FAT4: variants seen among roughly 807,000 people sequenced by gnomAD.
FAT4 encodes protocadherin Fat 4.
Under a neutral mutation model 303.9 loss-of-function variants are expected in FAT4, and 84 were observed. The ratio of observed to expected loss-of-function variants is 0.28; its 90% CI spans 0.23 to 0.33. The LOEUF is 0.33. Ranked by LOEUF, FAT4 falls within the 10% of genes least tolerant of loss-of-function variation. FAT4 has a pLI of 1.00. For synonymous variants in FAT4, 2,307 were observed against 2,298.8 expected, an observed-to-expected ratio of 1.00 and a Z score of -0.10; for missense variants, 6,005 against 6,146.8, an observed-to-expected ratio of 0.98 and a Z score of 0.77.
chr4:125,338,289 C>T (rs1246423859), intron 2 of FAT4, among the ~76,000 whole-genome samples: 1 of 152,138 alleles, frequency 6.6e-6, no homozygotes, highest in African/African-American at 2.4e-5. Context: ...TTGCTAAGAT[C>T]TTGGTTCTGC....
At chr4:125,426,722 T>A (rs377639342) in intron 7 of FAT4, among the ~76,000 whole-genome samples, 1 of 152,010 alleles carries the variant, frequency 6.6e-6, no homozygotes, top group East Asian at 1.9e-4. Flanking sequence ...TTCCATAGAA[T>A]TGAAATTTGA....
intron 11 of FAT4, among the ~76,000 whole-genome samples, chr4:125,467,730 A>G (rs1452758270): frequency 6.6e-6 from 1 of 152,236 alleles, no homozygotes; most frequent in Non-Finnish European, 1.5e-5. Flanking sequence ...TGAAAATAAC[A>G]TGAATATAGG....
intron 11 of FAT4, among the ~76,000 whole-genome samples, chr4:125,465,622 G>A (rs1170780040): frequency 1.3e-5 from 2 of 152,174 alleles, no homozygotes; most frequent in Non-Finnish European, 2.9e-5. Flanking sequence ...TACAACTGTC[G>A]TTGCCTATTA....
At chr4:125,332,340 G>T (rs1467677776) in intron 2 of FAT4, among the ~76,000 whole-genome samples, 1 of 151,824 alleles carries the variant, frequency 6.6e-6, no homozygotes, top group East Asian at 1.9e-4. Flanking sequence ...AAACAATACT[G>T]CCCAGTCTGG....
In FAT4 at chr4:125,405,634, C is replaced by G. The variant is rs1018815800; in HGVS notation, c.5308-1246C>G. Among the ~76,000 whole-genome samples the G allele has an allele frequency of 2.0e-5, 3 of 152,042 alleles. No homozygotes were observed. The South Asian group carries it at 6.2e-4, about 32-fold the overall frequency. ...CATGCCATTCTCCTGCATCAGCCTCCCGAGTAGCTGGGACTCCAGGCTACT... is the reference window on the plus strand; with the variant it reads ...CATGCCATTCTCCTGCATCAGCCTCGCGAGTAGCTGGGACTCCAGGCTACT... On this transcript the variant is annotated intron_variant, in intron 3 of 17. Coordinates refer to ENST00000394329, the MANE Select transcript of FAT4 (RefSeq NM_001291303.3).
chr4:125,489,761 T>C (rs1026719669), intron 17 of FAT4, 140 bp from the exon 18 acceptor site: 1 of 648,000 alleles, frequency 1.5e-6, no homozygotes. Flanking sequence ...ATGATGGTTC[T>C]GAGACTGAGG....
chr4:125,447,434 T>C (rs1431604221), intron 9 of FAT4, among the ~76,000 whole-genome samples: 1 of 152,114 alleles, frequency 6.6e-6, no homozygotes, highest in Non-Finnish European at 1.5e-5. Flanking sequence ...GCCAACTTTC[T>C]ATCAAAGGAA....
intron 7 of FAT4, among the ~76,000 whole-genome samples, chr4:125,418,633 A>T (rs557021316): frequency 6.6e-6 from 1 of 152,182 alleles, no homozygotes. Context: ...ATTACTGATG[A>T]TATGTTGCTT....
chr4:125,473,429 T>G (rs1275036676), intron 12 of FAT4, among the ~76,000 whole-genome samples: 6 of 152,126 alleles, frequency 3.9e-5, no homozygotes, highest in African/African-American at 1.4e-4. Context: ...GCTTGAGATT[T>G]TAAAAATCCA....
intron 5 of FAT4, among the ~76,000 whole-genome samples, chr4:125,412,550 C>A (rs1734886233): frequency 6.6e-6 from 1 of 151,774 alleles, no homozygotes; most frequent in Non-Finnish European, 1.5e-5. Context: ...CTTACCCATT[C>A]ATCTACCAAA....
rs1446351455 is a variant in FAT4, at chr4:125,321,581, G to A, written c.5170G>A (p.Ala1724Thr). Residue 1724 changes from alanine to threonine, a missense_variant, in exon 2 of 18, where the codon GCA (alanine) becomes ACA (threonine). Ala to Thr is a moderately conservative substitution (Grantham distance 58, BLOSUM62 0). Coordinates refer to ENST00000394329, the MANE Select transcript of FAT4 (RefSeq NM_001291303.3). ...KSTAFPRTQR[A>T]EVEITLQDIN... ...AACTGCTTTTCCCAGAACACAGAGA[G>A]CAGAGGTAATGATTTTGTAGTCATT... is the stretch of plus-strand genomic sequence containing the variant. The A allele has an allele frequency of 1.9e-6, 3 of 1,589,050 alleles. No homozygotes were observed. Among genetic ancestry groups the A allele is most frequent in the South Asian group, 2.3e-5 (2 of 87,610 alleles).
intron 2 of FAT4, among the ~76,000 whole-genome samples, chr4:125,392,035 T>A (rs1733995460): frequency 6.6e-6 from 1 of 152,172 alleles, no homozygotes; most frequent in African/African-American, 2.4e-5. Context: ...TAGAAGTCTC[T>A]AATTTAAGTA....
At chr4:125,393,892 T>C (rs763324492) in intron 2 of FAT4, 2 of 777,506 alleles carry the variant, frequency 2.6e-6, no homozygotes, top group South Asian at 2.7e-5. Context: ...TGCTCAGGGC[T>C]CAGGTGACTC....
Position 125,319,284 on chromosome 4 carries a change from A to T in FAT4, c.2873A>T (p.His958Leu). The change falls in exon 2 of 18, where the codon CAT becomes CTT. Residue 958 changes from histidine to leucine, a missense_variant. Physicochemically the swap from His to Leu is moderately conservative, Grantham distance 99. Coordinates refer to ENST00000394329, the MANE Select transcript of FAT4 (RefSeq NM_001291303.3). ...AGTCTGCTTGGGCCCCTGGATGTTC[A>T]TGCTGGCTCCTACCAAATAGAGATC... The part of the protein sequence containing the change: ...TISLLGPLDV[H>L]AGSYQIEILA... 1 of 1,614,160 alleles carries T rather than the reference A, an allele frequency of 6.2e-7. No individual in the cohort carries two copies. The highest frequency in any genetic ancestry group is 1.1e-5 in the South Asian group (1 of 91,080).
At chr4:125,480,615 G>T (rs997518048) in intron 15 of FAT4, among the ~76,000 whole-genome samples, 2 of 152,022 alleles carry the variant, frequency 1.3e-5, no homozygotes, top group African/African-American at 2.4e-5. Context: ...AAAACAAATA[G>T]AAATGCATAA....
chr4:125,356,719 C>A (rs1418665201), intron 2 of FAT4, among the ~76,000 whole-genome samples: 2 of 148,622 alleles, frequency 1.3e-5, no homozygotes, highest in African/African-American at 4.9e-5. Flanking sequence ...CAATGCACAT[C>A]CAATGAACAT....
chr4:125,331,301 G>A (rs1193451255), intron 2 of FAT4, among the ~76,000 whole-genome samples: 1 of 152,186 alleles, frequency 6.6e-6, no homozygotes, highest in East Asian at 1.9e-4. Flanking sequence ...AGGATTTACT[G>A]TTGATAATGC....
intron 10 of FAT4, among the ~76,000 whole-genome samples, chr4:125,460,755 T>C (rs1454253260): frequency 6.6e-6 from 1 of 152,148 alleles, no homozygotes; most frequent in African/African-American, 2.4e-5. Context: ...TTCATTTGTA[T>C]GTGTCTGTAT....
intron 2 of FAT4, among the ~76,000 whole-genome samples, chr4:125,364,539 G>A (rs1335905990): frequency 6.6e-6 from 1 of 151,488 alleles, no homozygotes; most frequent in Non-Finnish European, 1.5e-5. Context: ...CACCAGAGGA[G>A]TCACTAAAGG....
Sources: allele counts gnomAD v4.1 joint callset (sites outside exome capture counted in the v4.1 genomes callset), GRCh38; gene constraint gnomAD v4.1.1; transcripts MANE v1.5; gene names NCBI Gene and HGNC (gene_info 2026-07-23, HGNC 2026-07-21).